The following CD86 variants were observed in gnomAD, a reference collection of about 807,000 sequenced individuals.
CD86 encodes T-lymphocyte activation antigen CD86.
A neutral mutation model predicts 32.1 loss-of-function variants in CD86; 11 were observed. The ratio of observed to expected loss-of-function variants is 0.34; its 90% confidence interval spans 0.22 to 0.57. CD86 has a LOEUF of 0.57. Among genes scored for constraint, CD86 ranks in the 20% least tolerant of loss-of-function variants. The pLI is 0.86. For missense variants in CD86, 359 were observed against 398.4 expected (o/e 0.90, Z 0.84); for synonymous variants, 137 against 135.3 (o/e 1.01, Z -0.09).
At chr3:122,112,422 T>G (rs1469707712) in intron 5 of CD86, among the ~76,000 whole-genome samples, 1 of 152,110 alleles carries the variant, frequency 6.6e-6, no homozygotes, top group South Asian at 2.1e-4. Context: ...GTTCAAGCGA[T>G]TCTCCTGCCT....
At chr3:122,079,093 A>T (rs2072594493) in intron 1 of CD86, among the ~76,000 whole-genome samples, 1 of 152,198 alleles carries the variant, frequency 6.6e-6, no homozygotes. Context: ...GAAAAGCTGC[A>T]CTCTTGTTTT....
chr3:122,079,678 G>T (rs2072603498), intron 1 of CD86, among the ~76,000 whole-genome samples: 1 of 152,138 alleles, frequency 6.6e-6, no homozygotes, highest in South Asian at 2.1e-4. Context: ...ATACAGTGCT[G>T]TTTCCGAACT....
At chr3:122,074,095 G>A (rs1033784889) in intron 1 of CD86, among the ~76,000 whole-genome samples, 21 of 152,164 alleles carry the variant, frequency 1.4e-4, no homozygotes, top group Non-Finnish European at 2.4e-4. Context: ...TGTGAAGTCC[G>A]GCAGCTCCCT....
In CD86 at chr3:122,105,978, G is replaced by T. The variant is rs543784582; in HGVS notation, c.401-220G>T. ...ACTTAGAGAGCACCCCTTTGATTTGGATAAGCAGGAAGTAAGCATGGCTGC... is the reference window on the plus strand; with the variant it reads ...ACTTAGAGAGCACCCCTTTGATTTGTATAAGCAGGAAGTAAGCATGGCTGC... On this transcript the variant is annotated intron_variant, in intron 3 of 6. Transcript: ENST00000330540. Among the ~76,000 whole-genome samples, 6 of 152,184 alleles carry T rather than the reference G, an allele frequency of 3.9e-5. No homozygotes were observed. In the South Asian group the frequency reaches 8.3e-4, roughly 21 times the overall value.
intron 5 of CD86, among the ~76,000 whole-genome samples, chr3:122,111,606 G>A (rs973146615): frequency 2.0e-5 from 3 of 152,210 alleles, no homozygotes; most frequent in Non-Finnish European, 4.4e-5. Flanking sequence ...ATGGAAGGAG[G>A]AAGCCATGAG....
At chr3:122,074,534 C>G (rs1369885415) in intron 1 of CD86, among the ~76,000 whole-genome samples, 1 of 152,202 alleles carries the variant, frequency 6.6e-6, no homozygotes. Flanking sequence ...TCCTAGAGTG[C>G]TTTTAGACTT....
intron 2 of CD86, among the ~76,000 whole-genome samples, chr3:122,099,385 C>G (rs764630863): frequency 9.2e-5 from 14 of 152,186 alleles, no homozygotes; most frequent in Non-Finnish European, 2.1e-4. Flanking sequence ...CTTACTCTTT[C>G]AGGGAGTTTG....
intron 1 of CD86, among the ~76,000 whole-genome samples, chr3:122,057,442 T>C (rs907684254): frequency 3.3e-4 from 50 of 152,206 alleles, no homozygotes; most frequent in Admixed American, 2.3e-3. Context: ...CAATTCATAA[T>C]GTGTTTAGTT....
chr3:122,105,868 A>G (rs2107541011), intron 3 of CD86, among the ~76,000 whole-genome samples: 1 of 152,222 alleles, frequency 6.6e-6, no homozygotes, highest in East Asian at 1.9e-4. Context: ...CTAGAGTCAG[A>G]CCACTTCTCC....
intron 5 of CD86, among the ~76,000 whole-genome samples, chr3:122,113,303 C>T (rs1286540842): frequency 6.6e-6 from 1 of 152,172 alleles, no homozygotes; most frequent in Non-Finnish European, 1.5e-5. Context: ...AATTGTGCTG[C>T]TATAAACATG....
At chr3:122,078,770 G>A (rs747398788) in intron 1 of CD86, among the ~76,000 whole-genome samples, 22 of 152,220 alleles carry the variant, frequency 1.4e-4, no homozygotes, top group Non-Finnish European at 2.4e-4. Flanking sequence ...AGAGCCAGGT[G>A]AAAATAGTTT....
intron 2 of CD86, among the ~76,000 whole-genome samples, chr3:122,100,577 A>G (rs889585771): frequency 6.6e-6 from 1 of 152,200 alleles, no homozygotes; most frequent in Non-Finnish European, 1.5e-5. Context: ...TAAGATATGC[A>G]TTTGGGGATA....
intron 1 of CD86, among the ~76,000 whole-genome samples, chr3:122,078,922 T>C (rs78085937): frequency 6.6e-6 from 1 of 152,244 alleles, no homozygotes; most frequent in East Asian, 1.9e-4. Context: ...CAGTTCGTGT[T>C]ATGTCTGCTG....
In CD86 at chr3:122,120,408, A is replaced by G. The variant is rs1394734525; in HGVS notation, c.*874A>G. The G allele has an allele frequency of 6.6e-6, 1 of 152,302 alleles. No homozygotes were observed. The highest frequency in any genetic ancestry group is 2.4e-5 in the African/African-American group (1 of 41,456). The allele number at this position is 152,302 out of a possible 1,614,324, so 9.4% of individuals were successfully genotyped here. On this transcript the variant is annotated 3_prime_UTR_variant, in exon 7 of 7. Coordinates refer to ENST00000330540, the MANE Select transcript of CD86 (RefSeq NM_175862.5). The stretch of plus-strand genomic sequence containing the variant: ...CACAATACTCAAAAGAGAGAGAGAG[A>G]GAAAAAAGAGAGATCTTGATCCACA...
chr3:122,089,477 C>A (rs1338658596), intron 1 of CD86, among the ~76,000 whole-genome samples: 1 of 151,806 alleles, frequency 6.6e-6, no homozygotes. Flanking sequence ...CGTATAATCT[C>A]ATAAACTAAT....
intron 2 of CD86, among the ~76,000 whole-genome samples, chr3:122,101,478 T>A (rs1267408820): frequency 8.1e-6 from 1 of 124,156 alleles, no homozygotes. Flanking sequence ...GGAAAGAAGA[T>A]ACTGTGAGGC....
intron 1 of CD86, among the ~76,000 whole-genome samples, chr3:122,066,390 C>A (rs562520432): frequency 6.6e-6 from 1 of 152,228 alleles, no homozygotes; most frequent in East Asian, 1.9e-4. Flanking sequence ...AGGTGCCCAG[C>A]TGCTCAGCAT....
Position 122,119,439 on chromosome 3 carries a change from G to GA in CD86, c.901dup (p.Ile301AsnfsTer5), listed in dbSNP as rs2073307283. 1.0e-5 allele frequency: 16 copies of GA among 1,589,530 alleles called. No individual in the cohort carries two copies. Among genetic ancestry groups the GA allele is most frequent in the Admixed American group, 6.8e-5 (4 of 59,060 alleles). The stretch of plus-strand genomic sequence containing the variant: ...TAATCTTTTCTTCTATTTCTCCAGA[G>GA]AAAAAATCCATATACCTGAAAGATC... On this transcript the variant is annotated frameshift_variant and splice_region_variant, in exon 7 of 7. Coordinates refer to ENST00000330540, the MANE Select transcript of CD86 (RefSeq NM_175862.5). LOFTEE classifies it low-confidence loss of function (END_TRUNC).
intron 1 of CD86, among the ~76,000 whole-genome samples, chr3:122,081,477 G>A (rs944956583): frequency 3.3e-5 from 5 of 152,170 alleles, no homozygotes; most frequent in Admixed American, 1.3e-4. Context: ...CAGATGCCTC[G>A]GATGCAGGGT....
Sources: allele counts gnomAD v4.1 joint callset (sites outside exome capture counted in the v4.1 genomes callset), GRCh38; gene constraint gnomAD v4.1.1; transcripts MANE v1.5; gene names NCBI Gene and HGNC (gene_info 2026-07-23, HGNC 2026-07-21).